Variants in C8orf89 observed in about 807,000 individuals in gnomAD.
The protein encoded by C8orf89 is putative uncharacterized protein C8orf89.
A neutral mutation model predicts 15.8 loss-of-function variants in C8orf89; 14 were observed. The observed-to-expected ratio is 0.89, with a 90% CI of 0.59 to 1.39. C8orf89 has a LOEUF of 1.39. Among genes scored for constraint, C8orf89 ranks in the 40% most tolerant of loss-of-function variants. The pLI is 0.00. For missense variants in C8orf89, 181 were observed against 184.5 expected (o/e 0.98, Z 0.11); for synonymous variants, 55 against 62.2 (o/e 0.88, Z 0.54).
chr8:73,241,605 C>A lies in C8orf89; in HGVS notation c.338G>T (p.Gly113Val). 1.3e-6 allele frequency: 2 copies of A among 1,501,296 alleles called. No individual in the cohort carries two copies. Among genetic ancestry groups the A allele is most frequent in the Non-Finnish European group, 1.8e-6 (2 of 1,129,020 alleles). 93.0% of individuals were successfully genotyped at this position (1,501,296 alleles called of 1,614,324 possible). ...AGTGAGAGGATCACTGAAGCCAGAA[C>A]CTGGAGGAGGAGGTGGGGAGTCAGC... ...SVAPLWEKSK[G>V]SGFSDPLTGA... The change falls in exon 4 of 4, where the codon GGT (glycine) becomes GTT (valine). Residue 113 changes from glycine to valine, a missense_variant and splice_region_variant. Gly to Val is a moderately radical substitution (Grantham distance 109). Transcript: ENST00000624510.
chr8:73,245,458 C>T (rs78303660), intron 3 of C8orf89, among the ~76,000 whole-genome samples: 2 of 151,858 alleles, frequency 1.3e-5, no homozygotes, highest in Middle Eastern at 3.4e-3. Context: ...ATTAGATACA[C>T]AGTAGGAAAA....
intron 3 of C8orf89, among the ~76,000 whole-genome samples, chr8:73,244,069 A>T (rs1813068202): frequency 6.6e-6 from 1 of 152,198 alleles, no homozygotes; most frequent in African/African-American, 2.4e-5. Context: ...AACTCATTTC[A>T]TATTTTACAT....
intron 3 of C8orf89, among the ~76,000 whole-genome samples, chr8:73,248,486 G>A (rs932065228): frequency 6.6e-6 from 1 of 152,092 alleles, no homozygotes; most frequent in Non-Finnish European, 1.5e-5. Context: ...GAATGTCATT[G>A]GTAGTTTAAT....
At chr8:73,282,125 A>C in the C8orf89 span, among the ~76,000 whole-genome samples, 2 of 152,254 alleles carry the variant, frequency 1.3e-5, no homozygotes, top group African/African-American at 4.8e-5. Context: ...TTTATTCTCA[A>C]ATAATGTAGT....
rs1367702723 is a variant in C8orf89, at chr8:73,250,337, A to G, written c.282-14T>C. The G allele has an allele frequency of 4.8e-6, 7 of 1,466,974 alleles. No individual in the cohort carries two copies. Among genetic ancestry groups the G allele is most frequent in the Non-Finnish European group, 6.4e-6 (7 of 1,087,820 alleles). 90.9% of individuals were successfully genotyped at this position (1,466,974 alleles called of 1,614,324 possible). A position where few individuals can be genotyped will look rare whatever the true frequency, so the allele number is the denominator to read the frequency against. ...GTCTTCTTTAGCCTGAATATTATAT[A>G]TTATCATAAAATTACTTACATATAA... On this transcript the variant is annotated splice_polypyrimidine_tract_variant and intron_variant, in intron 2 of 3. Transcript: ENST00000624510.
chr8:73,243,483 T>C (rs1813053972), intron 3 of C8orf89, among the ~76,000 whole-genome samples: 1 of 152,204 alleles, frequency 6.6e-6, no homozygotes, highest in Middle Eastern at 3.2e-3. Flanking sequence ...GTTTTTGATA[T>C]AACACATATT....
the C8orf89 span, among the ~76,000 whole-genome samples, chr8:73,269,052 G>T: frequency 2.6e-5 from 4 of 152,232 alleles, no homozygotes; most frequent in East Asian, 7.7e-4. Context: ...GCAAAACAAG[G>T]TGGAAAATGT....
chr8:73,275,464 C>T, the C8orf89 span, among the ~76,000 whole-genome samples: 1 of 152,094 alleles, frequency 6.6e-6, no homozygotes, highest in African/African-American at 2.4e-5. Flanking sequence ...TCTCAAACTC[C>T]TGACCTCAAG....
the C8orf89 span, among the ~76,000 whole-genome samples, chr8:73,271,362 G>T: frequency 2.9e-4 from 44 of 152,268 alleles, no homozygotes; most frequent in East Asian, 8.5e-3. Flanking sequence ...TCTTCTCCTG[G>T]CAGTGGGTGA....
chr8:73,250,121 A>C (rs920589215), intron 3 of C8orf89, 147 bp downstream of exon 3: 1 of 577,436 alleles, frequency 1.7e-6, no homozygotes, highest in Non-Finnish European at 3.0e-6. Context: ...CCCAACATCC[A>C]CTTAGTTTAT....
At chr8:73,264,094 T>A (rs776751588), upstream of C8orf89, among the ~76,000 whole-genome samples, 19 of 152,196 alleles carry the variant, frequency 1.2e-4, no homozygotes, top group Non-Finnish European at 2.5e-4. Flanking sequence ...AGCCTTCTTG[T>A]GCTTAGGAAC....
chr8:73,255,774 C>T (rs1313537194), intron 2 of C8orf89, among the ~76,000 whole-genome samples: 1 of 151,310 alleles, frequency 6.6e-6, no homozygotes, highest in Non-Finnish European at 1.5e-5. Context: ...GAATACTATG[C>T]AGCCATAAAA....
chr8:73,255,149 A>G (rs1813341577), intron 2 of C8orf89, among the ~76,000 whole-genome samples: 1 of 151,888 alleles, frequency 6.6e-6, no homozygotes, highest in Non-Finnish European at 1.5e-5. Flanking sequence ...GCTTCTGCAC[A>G]GCAAAAGAAA....
At chr8:73,272,129 T>A in the C8orf89 span, among the ~76,000 whole-genome samples, 5 of 152,046 alleles carry the variant, frequency 3.3e-5, no homozygotes, top group South Asian at 1.0e-3. Context: ...CCTTTCAGGG[T>A]GAAACTACAA....
Position 73,257,033 on chromosome 8 carries a change from G to A in C8orf89, c.221C>T (p.Ser74Leu), listed in dbSNP as rs1380599351. The A allele has an allele frequency of 1.3e-6, 2 of 1,534,900 alleles. No individual in the cohort carries two copies. The highest frequency in any genetic ancestry group is 1.7e-6 in the Non-Finnish European group (2 of 1,146,206). Residue 74 changes from serine (S) to leucine (L), a missense_variant, in exon 2 of 4, where the codon TCA becomes TTA. Physicochemically the swap from Ser to Leu is moderately radical, Grantham distance 145 (BLOSUM62 -2). Coordinates refer to ENST00000624510, the MANE Select transcript of C8orf89 (RefSeq NM_001243237.3). Reference protein sequence around the residue: ...GLQSCQKSVSSTPLEVPKRLP... With the variant: ...GLQSCQKSVSLTPLEVPKRLP... ...TCTTTTAGGAACCTCTAGTGGAGTT[G>A]AACTTACACTTTTTTGGCAACTTTG...
chr8:73,249,455 C>A (rs1813200098), intron 3 of C8orf89, among the ~76,000 whole-genome samples: 1 of 151,972 alleles, frequency 6.6e-6, no homozygotes, highest in South Asian at 2.1e-4. Flanking sequence ...CAGAGGAATA[C>A]CTCATCCTCA....
intron 3 of C8orf89, among the ~76,000 whole-genome samples, chr8:73,243,374 T>C (rs192437805): frequency 1.6e-4 from 24 of 152,334 alleles, no homozygotes; most frequent in African/African-American, 5.3e-4. Context: ...TTCACGTGAA[T>C]GTGATTATTA....
At chr8:73,264,151 A>C (rs1357792953), upstream of C8orf89, among the ~76,000 whole-genome samples, 1 of 152,220 alleles carries the variant, frequency 6.6e-6, no homozygotes, top group Non-Finnish European at 1.5e-5. Context: ...CCTCTAAAAT[A>C]GGAAAATCAC....
chr8:73,274,868 T>C, the C8orf89 span, among the ~76,000 whole-genome samples: 1 of 152,184 alleles, frequency 6.6e-6, no homozygotes, highest in South Asian at 2.1e-4. Context: ...TGAGATTGAG[T>C]GTACATATAG....
Sources: allele counts gnomAD v4.1 joint callset (sites outside exome capture counted in the v4.1 genomes callset), GRCh38; gene constraint gnomAD v4.1.1; transcripts MANE v1.5; gene names NCBI Gene and HGNC (gene_info 2026-07-23, HGNC 2026-07-21).